Variants in OPRM1 observed in about 807,000 individuals in gnomAD.
The protein encoded by OPRM1 is mu-type opioid receptor.
A neutral mutation model predicts 31.8 loss-of-function variants in OPRM1; 27 were observed. The ratio of observed to expected loss-of-function variants is 0.85; its 90% CI spans 0.63 to 1.17. The LOEUF (loss-of-function observed/expected upper bound fraction) is 1.17. OPRM1 is among the 50% of genes most tolerant of loss of function. The probability of loss-of-function intolerance (pLI) is 0.00; values close to 1 mark genes in which losing one functional copy is unlikely to be tolerated. For missense variants in OPRM1, 536 were observed against 511.1 expected, an observed-to-expected ratio of 1.05 and a Z score of -0.47; for synonymous variants, 196 against 189.9, an observed-to-expected ratio of 1.03 and a Z score of -0.26.
rs545931179 is a variant in OPRM1, at chr6:154,222,975, C to T, written c.1165-23718C>T. The T allele has an allele frequency of 5.5e-4, 328 of 600,312 alleles. 3 individuals carry two copies. The South Asian group carries it at 6.2e-3, about 11-fold the overall frequency. The allele number at this position is 600,312 out of a possible 1,614,324, so 37.2% of individuals were successfully genotyped here. On this transcript the variant is annotated intron_variant, in intron 3 of 3. Coordinates refer to the OPRM1 transcript ENST00000337049. ...GTGGGGGTTTTAAAATCCATCTGCTCCACAAAACGAAATTCCAGAAAATGA... is the reference window on the plus strand; with the variant it reads ...GTGGGGGTTTTAAAATCCATCTGCTTCACAAAACGAAATTCCAGAAAATGA...
rs1422867687 is a variant in OPRM1 at position 154,131,877 on chromosome 6, G to GT, written c.*13158dup. ...GTTGTGATAATGCACAAAAAGGAAT[G>GT]TTAAAAAAAAACACACAACATTGTT... On this transcript the variant is annotated 3_prime_UTR_variant, in exon 4 of 4. Coordinates refer to ENST00000330432, the MANE Select transcript of OPRM1 (RefSeq NM_000914.5). Among the ~76,000 whole-genome samples, 1 of 148,798 alleles carries GT rather than the reference G, an allele frequency of 6.7e-6. No individual in the cohort carries two copies. The highest frequency in any genetic ancestry group is 1.5e-5 in the Non-Finnish European group (1 of 67,440).
chr6:154,052,887 A>G (rs1241117961), intron 1 of OPRM1, among the ~76,000 whole-genome samples: 3 of 152,240 alleles, frequency 2.0e-5, no homozygotes, highest in Non-Finnish European at 2.9e-5. Flanking sequence ...TTTCAACATC[A>G]GAAAATAGCA....
At chr6:154,068,512 C>T (rs575128934) in intron 1 of OPRM1, among the ~76,000 whole-genome samples, 1 of 152,218 alleles carries the variant, frequency 6.6e-6, no homozygotes, top group East Asian at 1.9e-4. Context: ...TCCAGGTTGA[C>T]CCACGGTCAC....
chr6:154,110,444 G>T lies in OPRM1; in HGVS notation c.1165-8239G>T, dbSNP rs1238958026. ...AATATTTTCCCGTGAAAGAATATAA[G>T]ATTGGAAGCCAGAGAGCCTGGGTTC... On this transcript the variant is annotated intron_variant, in intron 3 of 3. Transcript: ENST00000330432. 5 of 1,412,392 alleles carry T rather than the reference G, an allele frequency of 3.5e-6. No individual in the cohort carries two copies. In the East Asian group the frequency reaches 1.2e-4, roughly 35 times the overall value. The allele number at this position is 1,412,392 out of a possible 1,614,324, so 87.5% of individuals were successfully genotyped here. A position where few individuals can be genotyped will look rare whatever the true frequency, so the allele number is the denominator to read the frequency against.
At position 154,122,140 on chromosome 6, in the gene OPRM1, T is replaced by C. The variant is rs1274093436; in HGVS notation, c.*3419T>C. 1.3e-5 allele frequency among the ~76,000 whole-genome samples: 2 copies of C among 152,154 alleles called. No individual in the cohort carries two copies. Among genetic ancestry groups the C allele is most frequent in the African/African-American group, 4.8e-5 (2 of 41,420 alleles). On this transcript the variant is annotated 3_prime_UTR_variant, in exon 4 of 4. Coordinates refer to ENST00000330432, the MANE Select transcript of OPRM1 (RefSeq NM_000914.5). ...GACATGGTAGCTTAAGTTTTTCAGC[T>C]TCTTAACTGGCCACACACACACAAG... is the stretch of plus-strand genomic sequence containing the variant.
intron 1 of OPRM1, among the ~76,000 whole-genome samples, chr6:154,057,171 A>C (rs947201906): frequency 6.6e-6 from 1 of 152,240 alleles, no homozygotes; most frequent in South Asian, 2.1e-4. Flanking sequence ...GTGAGTCTAA[A>C]CAGGGAAGAC....
chr6:154,091,143 A>G lies in OPRM1; in HGVS notation c.835A>G (p.Arg279Gly). 6.2e-7 allele frequency: 1 copy of G among 1,614,188 alleles called. No individual in the cohort carries two copies. The highest frequency in any genetic ancestry group is 8.5e-7 in the Non-Finnish European group (1 of 1,180,036). The change falls in exon 3 of 4, where the codon AGG becomes GGG. Residue 279 changes from arginine to glycine, a missense_variant. Arg to Gly is a moderately radical substitution (Grantham distance 125). Transcript: ENST00000330432. ...CAAAGAAAAGGACAGGAATCTTCGA[A>G]GGATCACCAGGATGGTGCTGGTGGT... ...GSKEKDRNLR[R>G]ITRMVLVVVA...
intron 3 of OPRM1, chr6:154,200,011 G>A: frequency 1.2e-6 from 2 of 1,613,850 alleles, no homozygotes; most frequent in Non-Finnish European, 1.7e-6. Context: ...CACTCAGGCT[G>A]GGTGAGGATG....
intron 3 of OPRM1, among the ~76,000 whole-genome samples, chr6:154,241,467 C>T (rs1474382442): frequency 2.0e-5 from 3 of 151,928 alleles, no homozygotes; most frequent in Admixed American, 2.0e-4. Flanking sequence ...AATGAAATTC[C>T]ACCCTTCTTA....
intron 3 of OPRM1, among the ~76,000 whole-genome samples, chr6:154,152,125 C>T (rs1270112890): frequency 7.5e-5 from 10 of 134,076 alleles, no homozygotes; most frequent in Non-Finnish European, 1.4e-4. Context: ...TGCAGTGAGC[C>T]AAGATCGCGC....
chr6:154,136,004 T>G (rs1224634928), downstream of OPRM1, among the ~76,000 whole-genome samples: 1 of 152,222 alleles, frequency 6.6e-6, no homozygotes, highest in Non-Finnish European at 1.5e-5. Flanking sequence ...TTTTATCATT[T>G]TGACTTACAC....
At chr6:154,096,124 C>A (rs540910801) in intron 3 of OPRM1, among the ~76,000 whole-genome samples, 4 of 152,358 alleles carry the variant, frequency 2.6e-5, no homozygotes, top group Admixed American at 2.0e-4. Flanking sequence ...GTGGTGCGAT[C>A]TCAGCTCACT....
intron 1 of OPRM1, among the ~76,000 whole-genome samples, chr6:154,061,672 T>C (rs1428858245): frequency 6.6e-6 from 1 of 151,604 alleles, no homozygotes; most frequent in Non-Finnish European, 1.5e-5. Context: ...TACTTGAGGG[T>C]GGAAGGTGGG....
In OPRM1 at chr6:154,047,393, G is replaced by A. The variant is rs970604460; in HGVS notation, c.290+7559G>A. Among the ~76,000 whole-genome samples the A allele has an allele frequency of 1.6e-4, 24 of 151,932 alleles. No homozygotes were observed. The South Asian group carries it at 1.9e-3, about 12-fold the overall frequency. ...TGCTGCCTCCTTAAGGGTTAGGAAC[G>A]CATAACCTAAAAGCGTGACTGGCAA... On this transcript the variant is annotated intron_variant, in intron 1 of 3. Transcript: ENST00000330432.
Position 154,025,740 on chromosome 6 carries a change from T to C in OPRM1, c.1-13421T>C, listed in dbSNP as rs141380086. Among the ~76,000 whole-genome samples the C allele has an allele frequency of 1.0e-3, 154 of 152,194 alleles. 1 individual carries two copies. Among genetic ancestry groups the C allele is most frequent in the African/African-American group, 3.4e-3 (141 of 41,552 alleles). On this transcript the variant is annotated intron_variant, in intron 1 of 5. Transcript: ENST00000434900. ...GTTACCACGAGGCTTGCAAATACTA[T>C]CTTGTAACTCATTATTTTAACCTGA...
intron 3 of OPRM1, among the ~76,000 whole-genome samples, chr6:154,149,111 G>A (rs1583656826): frequency 6.6e-6 from 1 of 152,172 alleles, no homozygotes; most frequent in South Asian, 2.1e-4. Flanking sequence ...TCACACTGCT[G>A]TGAAGACATA....
At chr6:154,094,670 A>G (rs1793047293) in intron 3 of OPRM1, among the ~76,000 whole-genome samples, 1 of 152,170 alleles carries the variant, frequency 6.6e-6, no homozygotes, top group African/African-American at 2.4e-5. Flanking sequence ...ACAGATTCCA[A>G]GAGAAAGAAA....
At chr6:154,104,134 A>G (rs1036306679) in intron 3 of OPRM1, among the ~76,000 whole-genome samples, 1 of 152,176 alleles carries the variant, frequency 6.6e-6, no homozygotes, top group African/African-American at 2.4e-5. Flanking sequence ...GGGCAATAAT[A>G]TTCCTGCCTA....
intron 3 of OPRM1, among the ~76,000 whole-genome samples, chr6:154,191,323 T>C (rs1229693587): frequency 2.6e-5 from 4 of 152,146 alleles, no homozygotes; most frequent in African/African-American, 4.8e-5. Flanking sequence ...TATTAGTGGA[T>C]ACATGACGTT....
Sources: allele counts gnomAD v4.1 joint callset (sites outside exome capture counted in the v4.1 genomes callset), GRCh38; gene constraint gnomAD v4.1.1; transcripts MANE v1.5; gene names NCBI Gene and HGNC (gene_info 2026-07-23, HGNC 2026-07-21).